SRPK2: variants seen among roughly 807,000 people sequenced by gnomAD.
SRPK2 encodes SRSF protein kinase 2, also known as SFRS protein kinase 2.
In SRPK2, 21 loss-of-function variants were observed where a neutral mutation model predicts 90.8. The observed-to-expected ratio is 0.23, with a 90% CI of 0.16 to 0.33. The LOEUF (loss-of-function observed/expected upper bound fraction) is 0.33. Among genes scored for constraint, SRPK2 ranks in the 10% least tolerant of loss-of-function variants. SRPK2 has a pLI of 1.00. For missense variants in SRPK2, 620 were observed against 869.0 expected (o/e 0.71, Z 3.60); for synonymous variants, 288 against 311.1 (o/e 0.93, Z 0.78).
At chr7:105,196,824 C>T (rs1404653417) in intron 3 of SRPK2, among the ~76,000 whole-genome samples, 3 of 151,996 alleles carry the variant, frequency 2.0e-5, no homozygotes, top group Non-Finnish European at 4.4e-5. Flanking sequence ...CTGAGACAGG[C>T]GGATCACTTG....
chr7:105,371,296 C>A (rs1218428675), intron 2 of SRPK2, among the ~76,000 whole-genome samples: 1 of 150,606 alleles, frequency 6.6e-6, no homozygotes, highest in Non-Finnish European at 1.5e-5. Flanking sequence ...CCCAGCTACT[C>A]GGGAACATGG....
intron 2 of SRPK2, among the ~76,000 whole-genome samples, chr7:105,346,442 G>C (rs139320697): frequency 1.7e-3 from 258 of 152,110 alleles, no homozygotes; most frequent in African/African-American, 5.9e-3. Flanking sequence ...TCAATAAACT[G>C]TAAGTCTCCA....
At chr7:105,127,327 G>A (rs1394133901) in intron 13 of SRPK2, among the ~76,000 whole-genome samples, 2 of 152,080 alleles carry the variant, frequency 1.3e-5, no homozygotes, top group Non-Finnish European at 2.9e-5. Flanking sequence ...TGAGTCAGCC[G>A]CACCTGCATG....
At chr7:105,328,127 G>A (rs1350714855) in intron 2 of SRPK2, among the ~76,000 whole-genome samples, 1 of 152,142 alleles carries the variant, frequency 6.6e-6, no homozygotes, top group Non-Finnish European at 1.5e-5. Flanking sequence ...CAGACTTCCA[G>A]GGGAGACATA....
rs1280481987 is a variant in SRPK2, at chr7:105,146,492, CCT to C, written c.786_787del (p.Val263GlufsTer14). The stretch of plus-strand genomic sequence containing the variant: ...AAATGAAGCTGGCTCAGCTCCCTCA[CCT>C]GCAGACCCTGAAGGAGGAGGAGCAC... On this transcript the variant is annotated frameshift_variant and splice_region_variant, in exon 8 of 16. Coordinates refer to ENST00000393651, the MANE Select transcript of SRPK2 (RefSeq NM_182692.3). LOFTEE classifies it high-confidence loss of function. 1 of 1,613,938 alleles carries C rather than the reference CCT, an allele frequency of 6.2e-7. No homozygotes were observed. The highest frequency in any genetic ancestry group is 8.5e-7 in the Non-Finnish European group (1 of 1,179,980).
chr7:105,277,423 CA>C (rs1279774074), intron 2 of SRPK2, among the ~76,000 whole-genome samples: 1 of 152,206 alleles, frequency 6.6e-6, no homozygotes, highest in Non-Finnish European at 1.5e-5. Context: ...AAAAGGCCCG[CA>C]AAGGCTTTTC....
chr7:105,160,639 T>C, intron 6 of SRPK2, 26 bp from the exon 7 acceptor site: 1 of 1,391,528 alleles, frequency 7.2e-7, no homozygotes, highest in Non-Finnish European at 1.0e-6. Context: ...GGATCGTTTG[T>C]GGATGCACTG....
chr7:105,398,594 T>C (rs565085485), intron 1 of SRPK2, among the ~76,000 whole-genome samples: 2 of 152,332 alleles, frequency 1.3e-5, no homozygotes, highest in African/African-American at 4.8e-5. Flanking sequence ...GGTTTCACCA[T>C]GTTGGCCAGG....
intron 2 of SRPK2, among the ~76,000 whole-genome samples, chr7:105,376,882 T>TAC (rs34080086): frequency 0.56 from 67,663 of 120,596 alleles, 19,089 homozygotes; most frequent in South Asian, 0.67. Flanking sequence ...TTTTCTCCTT[T>TAC]ACACACACAC....
intron 2 of SRPK2, among the ~76,000 whole-genome samples, chr7:105,295,410 A>G (rs2131132272): frequency 6.6e-6 from 1 of 152,236 alleles, no homozygotes; most frequent in African/African-American, 2.4e-5. Context: ...TGGATGTGTT[A>G]AACTAAATGC....
chr7:105,294,302 G>C (rs1433276178), intron 2 of SRPK2, among the ~76,000 whole-genome samples: 1 of 152,282 alleles, frequency 6.6e-6, no homozygotes, highest in Admixed American at 6.5e-5. Context: ...GTATTCAAAT[G>C]TTAGGTACCT....
chr7:105,233,040 AAGAGAGGG>A (rs1306140543), intron 2 of SRPK2, among the ~76,000 whole-genome samples: 2 of 148,006 alleles, frequency 1.4e-5, no homozygotes, highest in Non-Finnish European at 3.0e-5. Flanking sequence ...GAGAAGAGAG[AAGAGAGGG>A]AGAGAGGGAG....
intron 7 of SRPK2, among the ~76,000 whole-genome samples, chr7:105,148,163 C>T (rs576601251): frequency 1.2e-4 from 18 of 152,318 alleles, no homozygotes; most frequent in Non-Finnish European, 1.9e-4. Flanking sequence ...CTGAACAACA[C>T]TTACTATCGT....
intron 7 of SRPK2, among the ~76,000 whole-genome samples, chr7:105,154,739 C>T (rs762797986): frequency 7.9e-5 from 12 of 152,100 alleles, no homozygotes; most frequent in Non-Finnish European, 1.6e-4. Context: ...AGCAGTGACA[C>T]AATCTCGGCT....
intron 2 of SRPK2, among the ~76,000 whole-genome samples, chr7:105,340,399 C>CTTTTT (rs781142110): frequency 7.8e-6 from 1 of 128,314 alleles, no homozygotes; most frequent in South Asian, 2.4e-4. Context: ...CTTTTCTCTC[C>CTTTTT]TTTTTTTTTT....
intron 2 of SRPK2, among the ~76,000 whole-genome samples, chr7:105,330,067 G>A (rs1814106048): frequency 6.6e-6 from 1 of 151,448 alleles, no homozygotes; most frequent in Non-Finnish European, 1.5e-5. Context: ...AAATAGCCAG[G>A]CGCGATGGCT....
At chr7:105,212,377 T>C (rs1279122065) in intron 2 of SRPK2, among the ~76,000 whole-genome samples, 1 of 152,142 alleles carries the variant, frequency 6.6e-6, no homozygotes, top group Non-Finnish European at 1.5e-5. Flanking sequence ...CTGGTATCGT[T>C]ATGGAAACAG....
At chr7:105,118,100 TC>T (rs1799818515) in intron 15 of SRPK2, 78 bp from the exon 16 acceptor site, 16 of 1,508,812 alleles carry the variant, frequency 1.1e-5, no homozygotes, top group Non-Finnish European at 1.4e-5. Context: ...CAGGTTCTTT[TC>T]AGTGAAGCGG....
At chr7:105,291,046 AAAAAAAAAAAAAAAAAAAAG>A (rs1458409265) in intron 2 of SRPK2, among the ~76,000 whole-genome samples, 1 of 87,160 alleles carries the variant, frequency 1.1e-5, no homozygotes, top group Non-Finnish European at 2.9e-5. Flanking sequence ...CTCCGTCTCA[AAAAAAAAAAAAAAAAAAAAG>A]AAATGAAGAC....
Sources: gnomAD v4.1 joint callset for allele counts (sites outside exome capture counted in the v4.1 genomes callset) on GRCh38, gnomAD v4.1.1 for gene constraint, MANE v1.5 for transcripts, NCBI Gene and HGNC (gene_info 2026-07-23, HGNC 2026-07-21) for gene names.